VPS13B: variants seen among roughly 807,000 people sequenced by gnomAD.
The protein encoded by VPS13B is vacuolar protein sorting 13 homolog B.
A neutral mutation model predicts 426.4 loss-of-function variants in VPS13B; 285 were observed. That is an observed-to-expected ratio of 0.67 (90% CI 0.61 to 0.74). The LOEUF is 0.74. VPS13B is among the 30% of genes least tolerant of loss of function. The pLI is 0.00. For synonymous variants in VPS13B, 1,676 were observed against 1,676.4 expected, an observed-to-expected ratio of 1.00 and a Z score of 0.01; for missense variants, 4,537 against 4,782.6, an observed-to-expected ratio of 0.95 and a Z score of 1.51.
At chr8:99,610,702 G>A (rs565409428) in intron 33 of VPS13B, among the ~76,000 whole-genome samples, 4 of 152,152 alleles carry the variant, frequency 2.6e-5, no homozygotes, top group Admixed American at 6.5e-5. Flanking sequence ...AAACCTGCAC[G>A]TTCTGCACAT....
At chr8:99,310,446 A>G (rs571322152) in intron 19 of VPS13B, among the ~76,000 whole-genome samples, 28 of 152,236 alleles carry the variant, frequency 1.8e-4, no homozygotes, top group Non-Finnish European at 3.7e-4. Context: ...TGAGATAATC[A>G]TGTGGTTTTT....
At chr8:99,107,513 T>C (rs1318285863) in intron 5 of VPS13B, among the ~76,000 whole-genome samples, 4 of 152,322 alleles carry the variant, frequency 2.6e-5, no homozygotes, top group Admixed American at 2.0e-4. Context: ...TTACGTATTT[T>C]TTTTTTATAA....
chr8:99,867,185 A>G (rs1817150706), intron 58 of VPS13B, among the ~76,000 whole-genome samples: 1 of 152,218 alleles, frequency 6.6e-6, no homozygotes, highest in African/African-American at 2.4e-5. Flanking sequence ...AAAACAGAGA[A>G]TTCTGTCAAG....
intron 35 of VPS13B, among the ~76,000 whole-genome samples, chr8:99,687,181 C>G (rs1203409900): frequency 6.6e-6 from 1 of 151,990 alleles, no homozygotes; most frequent in African/African-American, 2.4e-5. Context: ...AGAATGGAGG[C>G]CTCAGGACTC....
chr8:99,091,779 A>G (rs1179762261), intron 3 of VPS13B: 1 of 152,190 alleles, frequency 6.6e-6, no homozygotes, highest in East Asian at 1.9e-4. Context: ...ACTGGAGAGG[A>G]TAGAGGTGAA....
intron 3 of VPS13B, among the ~76,000 whole-genome samples, chr8:99,050,812 T>G (rs1843502403): frequency 6.6e-6 from 1 of 152,246 alleles, no homozygotes; most frequent in Non-Finnish European, 1.5e-5. Flanking sequence ...TCATGTGTCT[T>G]TTGGCTGCAT....
intron 17 of VPS13B, among the ~76,000 whole-genome samples, chr8:99,232,788 T>C (rs1588159895): frequency 6.6e-6 from 1 of 152,068 alleles, no homozygotes; most frequent in Non-Finnish European, 1.5e-5. Flanking sequence ...GATGGTGAAG[T>C]GGATTGCTGA....
chr8:99,803,176 A>C (rs1485975911), intron 43 of VPS13B, among the ~76,000 whole-genome samples: 1 of 152,232 alleles, frequency 6.6e-6, no homozygotes, highest in African/African-American at 2.4e-5. Flanking sequence ...AATAGGTATT[A>C]CAAGTAAGAT....
intron 34 of VPS13B, among the ~76,000 whole-genome samples, chr8:99,643,689 T>C (rs1414553399): frequency 1.3e-5 from 2 of 152,218 alleles, no homozygotes; most frequent in Non-Finnish European, 2.9e-5. Context: ...AAACTACTAG[T>C]AGCTTAAATT....
intron 19 of VPS13B, among the ~76,000 whole-genome samples, chr8:99,376,579 A>G (rs1384314442): frequency 6.6e-6 from 1 of 152,094 alleles, no homozygotes; most frequent in Non-Finnish European, 1.5e-5. Context: ...TATTTATTAT[A>G]TTTGTTTTCC....
At chr8:99,485,943 G>GT (rs888464392) in intron 25 of VPS13B, among the ~76,000 whole-genome samples, 2 of 152,064 alleles carry the variant, frequency 1.3e-5, no homozygotes, top group Non-Finnish European at 2.9e-5. Context: ...GAGATGCTAA[G>GT]TTTTTGTTAT....
intron 21 of VPS13B, among the ~76,000 whole-genome samples, chr8:99,422,094 G>A (rs980965484): frequency 2.0e-5 from 3 of 152,152 alleles, no homozygotes; most frequent in South Asian, 2.1e-4. Flanking sequence ...AGAGTTTTAT[G>A]TAGTAGACCT....
At chr8:99,516,407 GT>G (rs1367010657) in intron 29 of VPS13B, among the ~76,000 whole-genome samples, 1 of 152,092 alleles carries the variant, frequency 6.6e-6, no homozygotes, top group Non-Finnish European at 1.5e-5. Context: ...AATGACTCTA[GT>G]AAGTTGGAGT....
chr8:99,460,870 AG>A (rs1386351511), intron 23 of VPS13B, among the ~76,000 whole-genome samples: 1 of 152,180 alleles, frequency 6.6e-6, no homozygotes, highest in African/African-American at 2.4e-5. Context: ...TAGTTGTGCT[AG>A]TGGAACCTCC....
chr8:99,233,109 T>C (rs1373336842), intron 17 of VPS13B: 1 of 1,372,172 alleles, frequency 7.3e-7, no homozygotes, highest in Non-Finnish European at 1.0e-6. Context: ...GCTTCACCTC[T>C]TGTACAGTTT....
intron 4 of VPS13B, among the ~76,000 whole-genome samples, chr8:99,099,997 C>G (rs1846640857): frequency 6.6e-6 from 1 of 152,088 alleles, no homozygotes; most frequent in African/African-American, 2.4e-5. Flanking sequence ...GGATGATGAA[C>G]AAATATACTC....
At chr8:99,526,029 T>C (rs1191174472) in intron 30 of VPS13B, among the ~76,000 whole-genome samples, 1 of 151,824 alleles carries the variant, frequency 6.6e-6, no homozygotes, top group Admixed American at 6.6e-5. Context: ...GGGGGAAGAA[T>C]TATCCACACA....
intron 24 of VPS13B, among the ~76,000 whole-genome samples, chr8:99,474,301 G>T (rs1298804522): frequency 1.3e-5 from 2 of 149,776 alleles, no homozygotes; most frequent in Non-Finnish European, 2.9e-5. Context: ...CGATTCTCCT[G>T]CCTTAGCTTC....
intron 8 of VPS13B, among the ~76,000 whole-genome samples, chr8:99,133,808 G>A (rs72670294): frequency 0.18 from 27,647 of 152,008 alleles, 2,987 homozygotes; most frequent in East Asian, 0.38. Context: ...CCCCAAAATA[G>A]TTCCAATAGT....
Sources: allele counts gnomAD v4.1 joint callset (sites outside exome capture counted in the v4.1 genomes callset), GRCh38; gene constraint gnomAD v4.1.1; transcripts MANE v1.5; gene names NCBI Gene and HGNC (gene_info 2026-07-23, HGNC 2026-07-21).